The following ACVR2A variants were observed in gnomAD, a reference collection of about 807,000 sequenced individuals.
ACVR2A encodes the protein activin A receptor type 2A.
A neutral mutation model predicts 61.4 loss-of-function variants in ACVR2A; 7 were observed. That is an observed-to-expected ratio of 0.11 (90% CI 0.06 to 0.21). The LOEUF (loss-of-function observed/expected upper bound fraction) is 0.21, where lower values mean the gene tolerates loss of function less well. Among genes scored for constraint, ACVR2A ranks in the 10% least tolerant of loss-of-function variants. The probability of loss-of-function intolerance (pLI) is 1.00; values close to 1 mark genes in which losing one functional copy is unlikely to be tolerated. For synonymous variants in ACVR2A, 193 were observed against 208.3 expected (o/e 0.93, Z 0.63); for missense variants, 322 against 621.7 (o/e 0.52, Z 5.13).
At chr2:147,848,477 C>G (rs1207496344) in intron 1 of ACVR2A, among the ~76,000 whole-genome samples, 2 of 152,032 alleles carry the variant, frequency 1.3e-5, no homozygotes, top group Non-Finnish European at 2.9e-5. Context: ...TTCTAATCGT[C>G]CTAAAATACA....
In ACVR2A at chr2:147,899,726, T is replaced by C. The variant is rs755314107; in HGVS notation, c.374-18T>C. The C allele has an allele frequency of 1.9e-5, 30 of 1,610,234 alleles. No homozygotes were observed. Among genetic ancestry groups the C allele is most frequent in the East Asian group, 4.5e-5 (2 of 44,844 alleles). ...TTGTAGACCAAATCTGAGTTATTTT[T>C]CCCCCCCTTTTCCACAGCCACTTCA... On this transcript the variant is annotated intron_variant, in intron 3 of 10. Coordinates refer to ENST00000241416, the MANE Select transcript of ACVR2A (RefSeq NM_001616.5).
Position 147,918,568 on chromosome 2 carries a change from G to T in ACVR2A, c.938G>T (p.Gly313Val), listed in dbSNP as rs746422676. ...GAGGATATACCTGGCCTAAAAGATG[G>T]CCACAAACCTGCCATATCTCACAGG... The part of the protein sequence containing the change: ...LHEDIPGLKD[G>V]HKPAISHRDI... The change falls in exon 7 of 11, where the codon GGC becomes GTC. Residue 313 changes from glycine to valine, a missense_variant. By Grantham distance (109) the Gly-to-Val change is moderately radical. Around this residue, in one of 3 missense-constraint regions of ACVR2A, gnomAD observed 146 missense variants for 383.8 expected, o/e 0.38. Transcript: ENST00000241416. 4 of 1,600,414 alleles carry T rather than the reference G, an allele frequency of 2.5e-6. No individual in the cohort carries two copies. The highest frequency in any genetic ancestry group is 3.4e-6 in the Non-Finnish European group (4 of 1,174,560).
intron 1 of ACVR2A, 55 bp downstream of exon 1, chr2:147,845,262 T>A: frequency 1.3e-6 from 2 of 1,515,876 alleles, no homozygotes; most frequent in Non-Finnish European, 1.8e-6. Flanking sequence ...CGGCGGCCGC[T>A]GCTGGGGGCC....
intron 5 of ACVR2A, among the ~76,000 whole-genome samples, chr2:147,916,526 C>T (rs540403471): frequency 6.6e-6 from 1 of 151,900 alleles, no homozygotes; most frequent in African/African-American, 2.4e-5. Flanking sequence ...CACTACAATG[C>T]CTTTTCTACT....
intron 4 of ACVR2A, among the ~76,000 whole-genome samples, chr2:147,914,033 ACTC>A (rs1186939733): frequency 6.6e-6 from 1 of 151,760 alleles, no homozygotes; most frequent in Non-Finnish European, 1.5e-5. Flanking sequence ...AACTTTTAAA[ACTC>A]CTGAGTGGCA....
chr2:147,913,240 T>C (rs1376854595), intron 4 of ACVR2A, among the ~76,000 whole-genome samples: 1 of 151,874 alleles, frequency 6.6e-6, no homozygotes, highest in African/African-American at 2.4e-5. Context: ...TTGATGTCCT[T>C]TAGAACAGAG....
At chr2:147,916,288 G>T (rs1041225144) in intron 5 of ACVR2A, among the ~76,000 whole-genome samples, 1 of 151,602 alleles carries the variant, frequency 6.6e-6, no homozygotes, top group Non-Finnish European at 1.5e-5. Context: ...AATAAGATAA[G>T]GGAAGAAATT....
Position 147,915,352 on chromosome 2 carries a change from T to C in ACVR2A, c.672+18T>C, listed in dbSNP as rs1409231758. 1 of 1,610,456 alleles carries C rather than the reference T, an allele frequency of 6.2e-7. No homozygotes were observed. The highest frequency in any genetic ancestry group is 1.3e-5 in the African/African-American group (1 of 74,804). ...CAATACAGGTATGTTTATTGCAGTTTTGTCATCTTACATACATGTTTTATG... is the reference window on the plus strand; with the variant it reads ...CAATACAGGTATGTTTATTGCAGTTCTGTCATCTTACATACATGTTTTATG... On this transcript the variant is annotated intron_variant, in intron 5 of 10. Coordinates refer to ENST00000241416, the MANE Select transcript of ACVR2A (RefSeq NM_001616.5).
rs1687578181 is a variant in ACVR2A, at chr2:147,928,885, T to A, written c.*1611T>A. ...AAATAGCCAGTATTATGCTGTGTATTTCTGTCAGGTCATTTTAAAATCCAT... is the reference window on the plus strand; with the variant it reads ...AAATAGCCAGTATTATGCTGTGTATATCTGTCAGGTCATTTTAAAATCCAT... On this transcript the variant is annotated 3_prime_UTR_variant, in exon 11 of 11. Transcript: ENST00000241416. 6.6e-6 allele frequency: 1 copy of A among 152,446 alleles called. No individual in the cohort carries two copies. The highest frequency in any genetic ancestry group is 1.5e-5 in the Non-Finnish European group (1 of 67,946). The allele number at this position is 152,446 out of a possible 1,614,324, so 9.4% of individuals were successfully genotyped here.
intron 6 of ACVR2A, among the ~76,000 whole-genome samples, chr2:147,917,662 C>T (rs189043957): frequency 3.4e-4 from 52 of 151,968 alleles, no homozygotes; most frequent in South Asian, 2.1e-3. Context: ...CCCTTTTGTT[C>T]CTTATTTCTT....
intron 4 of ACVR2A, among the ~76,000 whole-genome samples, chr2:147,907,474 C>G (rs1687014198): frequency 6.6e-6 from 1 of 152,148 alleles, no homozygotes; most frequent in African/African-American, 2.4e-5. Context: ...GAAAGTGTTC[C>G]CATTTCTCCA....
intron 1 of ACVR2A, among the ~76,000 whole-genome samples, chr2:147,895,729 T>G (rs1250460449): frequency 6.6e-6 from 1 of 152,176 alleles, no homozygotes; most frequent in Non-Finnish European, 1.5e-5. Context: ...ATATTGTCTT[T>G]TCTTTAGCTT....
At chr2:147,858,681 T>G (rs980010212) in intron 1 of ACVR2A, among the ~76,000 whole-genome samples, 1 of 152,174 alleles carries the variant, frequency 6.6e-6, no homozygotes, top group Non-Finnish European at 1.5e-5. Context: ...TTTCGAGCAC[T>G]TAGAATGGGG....
intron 8 of ACVR2A, among the ~76,000 whole-genome samples, chr2:147,922,656 T>C (rs1472573373): frequency 2.0e-5 from 3 of 152,122 alleles, no homozygotes; most frequent in Non-Finnish European, 4.4e-5. Context: ...AGTTTTTTTT[T>C]TAAAGCTACA....
intron 1 of ACVR2A, among the ~76,000 whole-genome samples, chr2:147,880,406 T>C (rs1430707464): frequency 6.6e-6 from 1 of 152,156 alleles, no homozygotes; most frequent in African/African-American, 2.4e-5. Context: ...TTAATCTTTT[T>C]ATTTTCTAAA....
intron 9 of ACVR2A, among the ~76,000 whole-genome samples, chr2:147,923,326 C>T (rs1286353408): frequency 6.6e-6 from 1 of 151,890 alleles, no homozygotes; most frequent in Non-Finnish European, 1.5e-5. Context: ...AGCTATGTTG[C>T]TGGACACTTC....
intron 4 of ACVR2A, among the ~76,000 whole-genome samples, chr2:147,914,551 A>G (rs1050304357): frequency 6.6e-6 from 1 of 151,978 alleles, no homozygotes; most frequent in African/African-American, 2.4e-5. Flanking sequence ...TCCAGAACAC[A>G]AATGATTTTT....
chr2:147,921,864 G>C (rs572279971), intron 8 of ACVR2A, among the ~76,000 whole-genome samples: 1 of 151,974 alleles, frequency 6.6e-6, no homozygotes, highest in Non-Finnish European at 1.5e-5. Context: ...AAAATTATTG[G>C]CTTACAGTAA....
chr2:147,890,370 A>G lies in ACVR2A; in HGVS notation c.56-5931A>G, dbSNP rs1011180373. On this transcript the variant is annotated intron_variant, in intron 1 of 10. Coordinates refer to ENST00000241416, the MANE Select transcript of ACVR2A (RefSeq NM_001616.5). ...TGTGTGTGTGTGTGTGTGTGTGTGT[A>G]TACACACATACATGTACTCTTTATA... is the stretch of plus-strand genomic sequence containing the variant. Among the ~76,000 whole-genome samples the G allele has an allele frequency of 4.4e-3, 339 of 77,570 alleles. 7 individuals are homozygous for G. In the East Asian group the frequency reaches 0.054, roughly 12 times the overall value. The allele number at this position is 77,570 out of a possible 152,430, so 50.9% of individuals were successfully genotyped here. A position where few individuals can be genotyped will look rare whatever the true frequency, so the allele number is the denominator to read the frequency against.
Sources: allele counts gnomAD v4.1 joint callset (sites outside exome capture counted in the v4.1 genomes callset), GRCh38; gene constraint gnomAD v4.1.1; regional missense constraint gnomAD v4.1.1; transcripts MANE v1.5; gene names NCBI Gene and HGNC (gene_info 2026-07-23, HGNC 2026-07-21).